Variants in KALRN observed in about 807,000 individuals in gnomAD.
KALRN encodes kalirin.
Under a neutral mutation model 353.7 loss-of-function variants are expected in KALRN, and 70 were observed. That is an observed-to-expected ratio of 0.20 (90% CI 0.16 to 0.24). The LOEUF (loss-of-function observed/expected upper bound fraction) is 0.24. KALRN is among the 10% of genes least tolerant of loss of function. The pLI, the probability that KALRN is intolerant of heterozygous loss-of-function variation, is 1.00. For missense variants in KALRN, 2,791 were observed against 3,756.7 expected, an observed-to-expected ratio of 0.74 and a Z score of 6.72; for synonymous variants, 1,391 against 1,434.8, an observed-to-expected ratio of 0.97 and a Z score of 0.69.
intron 10 of KALRN, among the ~76,000 whole-genome samples, chr3:124,354,703 T>G (rs546517016): frequency 6.6e-6 from 1 of 152,342 alleles, no homozygotes; most frequent in South Asian, 2.1e-4. Context: ...GCACTTAAAC[T>G]TTTAACACAA....
At chr3:124,199,435 T>C (rs945785638) in intron 1 of KALRN, among the ~76,000 whole-genome samples, 1 of 152,212 alleles carries the variant, frequency 6.6e-6, no homozygotes, top group Non-Finnish European at 1.5e-5. Flanking sequence ...TGTGGAGTCC[T>C]AAATTGGGCA....
chr3:124,054,515 C>G (rs1347860042), intron 1 of KALRN, among the ~76,000 whole-genome samples: 1 of 152,164 alleles, frequency 6.6e-6, no homozygotes, highest in Admixed American at 6.5e-5. Flanking sequence ...CCTGACACTT[C>G]CCTGAAGCTA....
intron 1 of KALRN, among the ~76,000 whole-genome samples, chr3:124,110,357 T>TATATATATGACATATATATCATACTTTG (rs558715253): frequency 1.5e-5 from 1 of 66,316 alleles, no homozygotes; most frequent in African/African-American, 3.7e-5. Context: ...CATACTTTGA[T>TATATATATGACATATATATCATACTTTG]ATATATATGA....
intron 33 of KALRN, among the ~76,000 whole-genome samples, chr3:124,552,240 A>T (rs1174532382): frequency 6.6e-6 from 1 of 152,178 alleles, no homozygotes; most frequent in Non-Finnish European, 1.5e-5. Flanking sequence ...TCTGAACACG[A>T]ATCTGTAAGT....
rs148014867 is a variant in KALRN at position 124,456,688 on chromosome 3, G to C, written c.3814G>C (p.Glu1272Gln). 2 of 1,613,066 alleles carry C rather than the reference G, an allele frequency of 1.2e-6. No homozygotes were observed. The highest frequency in any genetic ancestry group is 1.7e-6 in the Non-Finnish European group (2 of 1,179,404). The change falls in exon 23 of 60, where the codon GAA (glutamate) becomes CAA (glutamine). Residue 1272 changes from glutamate to glutamine, a missense_variant. Physicochemically the swap from Glu to Gln is conservative, Grantham distance 29 (BLOSUM62 2). Coordinates refer to ENST00000682506, the MANE Select transcript of KALRN (RefSeq NM_001388419.1). ...GGTCAAGCTGCGGGACGCCAACCAC[G>C]AAGTCAATGAAGAGAAGCGGAAGTC... ...REVKLRDANH[E>Q]VNEEKRKSAR...
chr3:124,459,607 A>G (rs1294927179), intron 23 of KALRN, among the ~76,000 whole-genome samples: 1 of 152,238 alleles, frequency 6.6e-6, no homozygotes, highest in Non-Finnish European at 1.5e-5. Flanking sequence ...TGGACAGGGT[A>G]AACAATGAAC....
chr3:124,122,773 G>T (rs1006740968), intron 1 of KALRN, among the ~76,000 whole-genome samples: 1 of 152,010 alleles, frequency 6.6e-6, no homozygotes, highest in Non-Finnish European at 1.5e-5. Flanking sequence ...TCCCTGAGAC[G>T]CAATAATATT....
chr3:124,134,787 A>G (rs1206280728), intron 1 of KALRN, among the ~76,000 whole-genome samples: 1 of 152,226 alleles, frequency 6.6e-6, no homozygotes, highest in Non-Finnish European at 1.5e-5. Flanking sequence ...GCTCAACATC[A>G]CTAATGATCA....
chr3:124,715,298 A>G (rs957636879), intron 58 of KALRN, among the ~76,000 whole-genome samples: 7 of 152,274 alleles, frequency 4.6e-5, no homozygotes, highest in South Asian at 4.1e-4. Context: ...TATGCTGCCA[A>G]TTAGGTGACG....
At chr3:124,214,072 G>GA (rs1283075123) in intron 1 of KALRN, among the ~76,000 whole-genome samples, 1 of 151,614 alleles carries the variant, frequency 6.6e-6, no homozygotes, top group Non-Finnish European at 1.5e-5. Context: ...ATCTGACATA[G>GA]AAAAAAAGTT....
chr3:124,450,403 A>G (rs2058663160), intron 21 of KALRN, among the ~76,000 whole-genome samples: 1 of 152,238 alleles, frequency 6.6e-6, no homozygotes, highest in African/African-American at 2.4e-5. Context: ...TTAAGTAGTA[A>G]TGAAAGCAAC....
intron 1 of KALRN, among the ~76,000 whole-genome samples, chr3:124,180,032 T>C (rs1334259019): frequency 6.6e-6 from 1 of 152,226 alleles, no homozygotes; most frequent in Admixed American, 6.5e-5. Context: ...AGTTGTCCAC[T>C]AACCATAATC....
intron 27 of KALRN, among the ~76,000 whole-genome samples, chr3:124,477,554 T>G (rs760264434): frequency 6.6e-5 from 10 of 152,198 alleles, no homozygotes; most frequent in Non-Finnish European, 1.5e-4. Context: ...GGCAAATTTG[T>G]CTCCATGCCT....
chr3:124,522,742 TA>T (rs897236639), intron 33 of KALRN, among the ~76,000 whole-genome samples: 3 of 152,200 alleles, frequency 2.0e-5, no homozygotes, highest in Non-Finnish European at 4.4e-5. Flanking sequence ...TGAGAACCAC[TA>T]AATTAAGCTG....
chr3:124,574,824 C>T (rs1173710017), intron 34 of KALRN, among the ~76,000 whole-genome samples: 1 of 152,232 alleles, frequency 6.6e-6, no homozygotes, highest in African/African-American at 2.4e-5. Context: ...ATCCTGTCTG[C>T]TCAGGGAAGG....
At chr3:124,269,284 CG>C in intron 5 of KALRN, 29 bp downstream of exon 5, 1 of 1,558,320 alleles carries the variant, frequency 6.4e-7, no homozygotes, top group Non-Finnish European at 8.7e-7. Context: ...AAACCTGAGC[CG>C]GGATGGGGGT....
At chr3:124,436,636 T>A (rs531870194) in intron 17 of KALRN, among the ~76,000 whole-genome samples, 1 of 130,158 alleles carries the variant, frequency 7.7e-6, no homozygotes, top group Non-Finnish European at 1.6e-5. Context: ...TCACCTCAAG[T>A]TTGATGACAG....
At chr3:124,202,313 C>T (rs906597009) in intron 1 of KALRN, among the ~76,000 whole-genome samples, 4 of 152,096 alleles carry the variant, frequency 2.6e-5, no homozygotes, top group African/African-American at 7.2e-5. Flanking sequence ...TGCAGTGGTG[C>T]GATCACAGGT....
chr3:124,267,827 C>G (rs1016441857), intron 4 of KALRN, among the ~76,000 whole-genome samples: 1 of 152,196 alleles, frequency 6.6e-6, no homozygotes, highest in Admixed American at 6.5e-5. Flanking sequence ...GTACTCCATG[C>G]TATGCACCCT....
Sources: gnomAD v4.1 joint callset for allele counts (sites outside exome capture counted in the v4.1 genomes callset) on GRCh38, gnomAD v4.1.1 for gene constraint, MANE v1.5 for transcripts, NCBI Gene and HGNC (gene_info 2026-07-23, HGNC 2026-07-21) for gene names.